LAMA2: variants seen among roughly 807,000 people sequenced by gnomAD.
LAMA2 encodes laminin subunit alpha-2.
In LAMA2, 269 loss-of-function variants were observed where a neutral mutation model predicts 364.8. The observed-to-expected ratio is 0.74, with a 90% CI of 0.67 to 0.82. LAMA2 has a LOEUF of 0.82. Ranked by LOEUF, LAMA2 falls within the 40% of genes least tolerant of loss-of-function variation. The pLI is 0.00. For missense variants in LAMA2, 3,807 were observed against 3,873.2 expected (o/e 0.98, Z 0.45); for synonymous variants, 1,379 against 1,370.6 (o/e 1.01, Z -0.14).
At chr6:129,249,940 A>G (rs1260034105) in intron 12 of LAMA2, among the ~76,000 whole-genome samples, 172 bp from the exon 13 acceptor site, 1 of 152,192 alleles carries the variant, frequency 6.6e-6, no homozygotes, top group Admixed American at 6.5e-5. Context: ...TAAGGTTCAT[A>G]AAAGGTTACT....
intron 51 of LAMA2, among the ~76,000 whole-genome samples, chr6:129,470,859 A>G (rs982369595): frequency 2.6e-5 from 4 of 151,880 alleles, no homozygotes; most frequent in Non-Finnish European, 5.9e-5. Flanking sequence ...TTGAAATTCA[A>G]GTACAGTCCT....
rs529939416 is a variant in LAMA2 at position 129,159,183 on chromosome 6, A to G, written c.1206+4500A>G. 543 of 1,317,368 alleles carry G rather than the reference A, an allele frequency of 4.1e-4. 5 individuals carry two copies. The South Asian group carries it at 5.9e-3, about 14-fold the overall frequency. 81.6% of individuals were successfully genotyped at this position (1,317,368 alleles called of 1,614,324 possible). ...AGTAATTGGTCTTGCTACTTCACCA[A>G]TTTAAATGACTGTCATTCAGTGAGA... On this transcript the variant is annotated intron_variant, in intron 8 of 64. Coordinates refer to ENST00000421865, the MANE Select transcript of LAMA2 (RefSeq NM_000426.4).
chr6:129,102,436 G>A (rs1298430412), intron 4 of LAMA2, among the ~76,000 whole-genome samples: 1 of 151,362 alleles, frequency 6.6e-6, no homozygotes, highest in Non-Finnish European at 1.5e-5. Context: ...TGCCCAGCCT[G>A]GTTCATTTTC....
At chr6:129,290,268 T>C (rs1040872359) in intron 19 of LAMA2, among the ~76,000 whole-genome samples, 6 of 152,130 alleles carry the variant, frequency 3.9e-5, no homozygotes, top group Non-Finnish European at 8.8e-5. Context: ...TTTCATAAAA[T>C]AATAAAAGTA....
intron 1 of LAMA2, among the ~76,000 whole-genome samples, chr6:129,047,709 G>T (rs750213543): frequency 1.3e-5 from 2 of 152,078 alleles, no homozygotes; most frequent in Non-Finnish European, 2.9e-5. Context: ...TTACAATAAA[G>T]ATTTAAACTA....
At chr6:129,024,559 TA>T (rs933322966) in intron 1 of LAMA2, among the ~76,000 whole-genome samples, 2 of 151,818 alleles carry the variant, frequency 1.3e-5, no homozygotes, top group African/African-American at 4.8e-5. Flanking sequence ...ATTTTTATTT[TA>T]TTTTTTTGTA....
At chr6:129,062,549 G>T (rs1289496084) in intron 3 of LAMA2, among the ~76,000 whole-genome samples, 1 of 152,108 alleles carries the variant, frequency 6.6e-6, no homozygotes, top group Non-Finnish European at 1.5e-5. Context: ...TAAAGCAGGG[G>T]ACTAGAACCC....
chr6:129,120,161 T>C (rs997472797), intron 4 of LAMA2, among the ~76,000 whole-genome samples: 2 of 152,202 alleles, frequency 1.3e-5, no homozygotes, highest in African/African-American at 4.8e-5. Context: ...CCCTCAGATA[T>C]GTATTTTGGT....
At chr6:128,885,749 G>T (rs1277933683) in intron 1 of LAMA2, among the ~76,000 whole-genome samples, 5 of 152,126 alleles carry the variant, frequency 3.3e-5, no homozygotes, top group Admixed American at 6.5e-5. Context: ...TTGCAGTTGA[G>T]TTAGAAACAT....
chr6:129,224,916 T>C (rs1048115838), intron 12 of LAMA2, among the ~76,000 whole-genome samples: 2 of 152,226 alleles, frequency 1.3e-5, no homozygotes, highest in Non-Finnish European at 2.9e-5. Flanking sequence ...TGGTACCACC[T>C]CCTCCTTGTA....
chr6:129,262,090 A>G (rs140927743), intron 15 of LAMA2, among the ~76,000 whole-genome samples: 13 of 152,260 alleles, frequency 8.5e-5, no homozygotes, highest in Admixed American at 2.0e-4. Flanking sequence ...ATTATCTTTT[A>G]TACAAATTCT....
chr6:129,072,022 C>T (rs1056384164), intron 3 of LAMA2, among the ~76,000 whole-genome samples: 1 of 152,124 alleles, frequency 6.6e-6, no homozygotes, highest in African/African-American at 2.4e-5. Context: ...GGGTGTGTGC[C>T]TGTAGTCCCA....
At chr6:129,470,303 A>T (rs1321850268) in intron 51 of LAMA2, among the ~76,000 whole-genome samples, 1 of 151,944 alleles carries the variant, frequency 6.6e-6, no homozygotes, top group East Asian at 1.9e-4. Flanking sequence ...TTTGATTTGG[A>T]ATGTTTAGCT....
Position 129,280,056 on chromosome 6 carries a change from C to T in LAMA2, c.2451-5C>T, listed in dbSNP as rs1484837428. 3 of 1,606,376 alleles carry T rather than the reference C, an allele frequency of 1.9e-6. No homozygotes were observed. The highest frequency in any genetic ancestry group is 1.7e-4 in the Middle Eastern group (1 of 6,046). On this transcript the variant is annotated splice_polypyrimidine_tract_variant and splice_region_variant and intron_variant, in intron 17 of 64. Transcript: ENST00000421865. ...TCCCTGTTTTCCGCAACAACATCAA[C>T]ATAGCTTTAGCCCAACGTGCCATTT...
chr6:129,032,768 G>A (rs1185372906), intron 1 of LAMA2, among the ~76,000 whole-genome samples: 1 of 152,166 alleles, frequency 6.6e-6, no homozygotes, highest in East Asian at 1.9e-4. Context: ...CAATGACCCT[G>A]GAGAGAAGCA....
Position 129,315,931 on chromosome 6 carries a change from A to G in LAMA2, c.3905A>G (p.His1302Arg). 3.7e-6 allele frequency: 6 copies of G among 1,614,162 alleles called. No homozygotes were observed. The highest frequency in any genetic ancestry group is 5.1e-6 in the Non-Finnish European group (6 of 1,180,038). The change falls in exon 26 of 65, where the codon CAT (histidine) becomes CGT (arginine). Residue 1302 changes from histidine (H) to arginine (R), a missense_variant. Physicochemically the swap from His to Arg is conservative, Grantham distance 29. Coordinates refer to ENST00000421865, the MANE Select transcript of LAMA2 (RefSeq NM_000426.4). The stretch of plus-strand genomic sequence containing the variant: ...CCTCTGATTGGCCAATTGACAAGGC[A>G]TGAAATTGAAATGACAGAGGTAAAG... The part of the protein sequence containing the change: ...AAPLIGQLTR[H>R]EIEMTEKEWK...
At chr6:129,298,833 TATTCTAATTGATAA>T (rs1773368713) in intron 21 of LAMA2, among the ~76,000 whole-genome samples, 1 of 150,832 alleles carries the variant, frequency 6.6e-6, no homozygotes, top group South Asian at 2.1e-4. Flanking sequence ...ATTGATAAGT[TATTCTAATTGATAA>T]GTTATTCTAA....
intron 1 of LAMA2, among the ~76,000 whole-genome samples, chr6:129,043,670 T>A (rs943211482): frequency 3.3e-5 from 5 of 152,194 alleles, no homozygotes; most frequent in African/African-American, 4.8e-5. Context: ...TATTGCTTCC[T>A]TGTATGTCTA....
chr6:129,093,043 G>T (rs1774937028), intron 3 of LAMA2, among the ~76,000 whole-genome samples: 1 of 152,076 alleles, frequency 6.6e-6, no homozygotes, highest in Non-Finnish European at 1.5e-5. Flanking sequence ...GTGCAGTGGT[G>T]TGATCTCGGC....
Sources: gnomAD v4.1 joint callset for allele counts (sites outside exome capture counted in the v4.1 genomes callset) on GRCh38, gnomAD v4.1.1 for gene constraint, MANE v1.5 for transcripts, NCBI Gene and HGNC (gene_info 2026-07-23, HGNC 2026-07-21) for gene names.